The following SEMA5A variants were observed in gnomAD, a reference collection of about 807,000 sequenced individuals.
The protein encoded by SEMA5A is semaphorin 5A.
A neutral mutation model predicts 135.5 loss-of-function variants in SEMA5A; 55 were observed. That is an observed-to-expected ratio of 0.41 (90% confidence interval 0.33 to 0.51). The LOEUF is 0.51. Among genes scored for constraint, SEMA5A ranks in the 20% least tolerant of loss-of-function variants. The pLI is 0.37. For missense variants in SEMA5A, 1,290 were observed against 1,419.9 expected (o/e 0.91, Z 1.47); for synonymous variants, 580 against 546.5 (o/e 1.06, Z -0.85).
intron 11 of SEMA5A, among the ~76,000 whole-genome samples, chr5:9,163,691 A>G (rs1235577469): frequency 6.6e-6 from 1 of 152,178 alleles, no homozygotes; most frequent in African/African-American, 2.4e-5. Context: ...GGCTCTCTAA[A>G]GTGATTTAAG....
chr5:9,215,705 AT>A (rs2150396507), intron 8 of SEMA5A, among the ~76,000 whole-genome samples: 1 of 152,260 alleles, frequency 6.6e-6, no homozygotes, highest in Admixed American at 6.5e-5. Context: ...GTAGTTTCTG[AT>A]GGTTATTTTT....
chr5:9,455,937 T>C (rs1341372435), intron 1 of SEMA5A, among the ~76,000 whole-genome samples: 1 of 151,910 alleles, frequency 6.6e-6, no homozygotes, highest in Non-Finnish European at 1.5e-5. Context: ...CAGGAGTGAG[T>C]CAGCAGGGGA....
rs1340399388 is a variant in SEMA5A at position 9,318,408 on chromosome 5, G to A, written c.234C>T (p.Leu78=). Residue 78 remains leucine, a synonymous_variant, in exon 5 of 23, where the codon CTC becomes CTT. Coordinates refer to ENST00000382496, the MANE Select transcript of SEMA5A (RefSeq NM_003966.3). ...ACAGATCCTCAAGCTGTAACCTGAA[G>A]AGGTAGTTTCTGCAAAATACAAAAA... ...KELVVGARNY[L]FRLQLEDLSL... 2.5e-6 allele frequency: 4 copies of A among 1,612,602 alleles called. No homozygotes were observed. In the South Asian group the frequency reaches 3.3e-5, roughly 13 times the overall value.
At chr5:9,166,911 C>T (rs1026406787) in intron 11 of SEMA5A, among the ~76,000 whole-genome samples, 4 of 152,136 alleles carry the variant, frequency 2.6e-5, no homozygotes, top group African/African-American at 9.7e-5. Flanking sequence ...TACAAAACAA[C>T]CACCCAGTTG....
chr5:9,123,257 T>TG (rs1740917652), intron 13 of SEMA5A, among the ~76,000 whole-genome samples: 1 of 7,622 alleles, frequency 1.3e-4, no homozygotes, highest in African/African-American at 2.8e-4. Flanking sequence ...AGACTCCGCC[T>TG]CAAAAAAAAA....
At position 9,297,307 on chromosome 5, in the gene SEMA5A, G is replaced by A. The variant is rs915830812; in HGVS notation, c.270+21065C>T. Among the ~76,000 whole-genome samples the A allele has an allele frequency of 7.9e-5, 12 of 152,182 alleles. No individual in the cohort carries two copies. The South Asian group carries it at 2.1e-3, about 26-fold the overall frequency. ...GCCTGCAGGAGCACATAGCTGTGGT[G>A]TGAATGACTGTGTCCTCTGAGAAAT... On this transcript the variant is annotated intron_variant, in intron 5 of 22. Transcript: ENST00000382496.
chr5:9,257,504 G>A (rs1749138643), intron 5 of SEMA5A, among the ~76,000 whole-genome samples: 1 of 151,526 alleles, frequency 6.6e-6, no homozygotes, highest in Non-Finnish European at 1.5e-5. Context: ...TGAAGTGCAA[G>A]CTCCCATGTC....
chr5:9,420,931 G>T (rs9686498), intron 2 of SEMA5A, among the ~76,000 whole-genome samples: 8 of 152,198 alleles, frequency 5.3e-5, no homozygotes, highest in African/African-American at 1.7e-4. Flanking sequence ...CAGGAGAATC[G>T]CTTGAACCCC....
chr5:9,173,669 G>A (rs1289198620), intron 11 of SEMA5A, among the ~76,000 whole-genome samples: 1 of 152,116 alleles, frequency 6.6e-6, no homozygotes, highest in Non-Finnish European at 1.5e-5. Flanking sequence ...TTGGGAATAA[G>A]GTTTCAACTT....
At chr5:9,306,953 A>G (rs1180297894) in intron 5 of SEMA5A, among the ~76,000 whole-genome samples, 3 of 152,210 alleles carry the variant, frequency 2.0e-5, no homozygotes, top group Non-Finnish European at 4.4e-5. Flanking sequence ...GAATTGCATG[A>G]GGTCTTCGGA....
At chr5:9,247,446 AAAC>A (rs1748538696) in intron 5 of SEMA5A, among the ~76,000 whole-genome samples, 1 of 152,182 alleles carries the variant, frequency 6.6e-6, no homozygotes, top group Admixed American at 6.6e-5. Context: ...TCATGAAAAC[AAAC>A]AACACTTCAT....
Position 9,384,661 on chromosome 5 carries a change from T to TACATAGATAGATAG in SEMA5A, c.-77-4639_-77-4638insCTATCTATCTATGT, listed in dbSNP as rs1214516553. Among the ~76,000 whole-genome samples, 70 of 66,508 alleles carry TACATAGATAGATAG rather than the reference T, an allele frequency of 1.1e-3. 5 individuals are homozygous for TACATAGATAGATAG. Among genetic ancestry groups the TACATAGATAGATAG allele is most frequent in the East Asian group, 1.6e-3 (4 of 2,506 alleles). The allele number at this position is 66,508 out of a possible 152,430, so 43.6% of individuals were successfully genotyped here. A position where few individuals can be genotyped will look rare whatever the true frequency, so the allele number is the denominator to read the frequency against. ...ATAGATAGATAGATAGATAGATAGA[T>TACATAGATAGATAG]ATAGATAGATAGATATAGATAGATA... On this transcript the variant is annotated intron_variant, in intron 2 of 22. Transcript: ENST00000382496.
chr5:9,325,392 G>A (rs1216088535), intron 4 of SEMA5A, among the ~76,000 whole-genome samples: 1 of 152,052 alleles, frequency 6.6e-6, no homozygotes, highest in Non-Finnish European at 1.5e-5. Flanking sequence ...AAGTTTGGCA[G>A]ATGCAAAATC....
At chr5:9,335,765 C>T (rs1023758364) in intron 4 of SEMA5A, among the ~76,000 whole-genome samples, 17 of 152,192 alleles carry the variant, frequency 1.1e-4, no homozygotes, top group Non-Finnish European at 2.1e-4. Flanking sequence ...TCCCAACCCC[C>T]TTTTCCCTAA....
At position 9,308,966 on chromosome 5, in the gene SEMA5A, G is replaced by T. The variant is rs1751998738; in HGVS notation, c.270+9406C>A. On this transcript the variant is annotated intron_variant, in intron 5 of 22. Transcript: ENST00000382496. Reference sequence around the variant, plus strand: ...TTTCATGACAAATTAGGTCATTAAAGTTACATCAAATAAGCATAATGCCAA... The same window carrying T: ...TTTCATGACAAATTAGGTCATTAAATTTACATCAAATAAGCATAATGCCAA... Among the ~76,000 whole-genome samples the T allele has an allele frequency of 2.0e-5, 3 of 152,144 alleles. No homozygotes were observed. The South Asian group carries it at 6.2e-4, about 31-fold the overall frequency.
intron 11 of SEMA5A, among the ~76,000 whole-genome samples, chr5:9,189,393 A>AT: frequency 1.2e-5 from 1 of 82,792 alleles, no homozygotes; most frequent in African/African-American, 5.3e-5. Flanking sequence ...TAGCAACTTC[A>AT]TGAAAAAAAA....
chr5:9,326,847 TTATC>T (rs1752902987), intron 4 of SEMA5A, among the ~76,000 whole-genome samples: 1 of 152,290 alleles, frequency 6.6e-6, no homozygotes, highest in South Asian at 2.1e-4. Flanking sequence ...ATTAGTTTGA[TTATC>T]TAAGTGTAAA....
chr5:9,124,997 G>A (rs993183390), intron 13 of SEMA5A, among the ~76,000 whole-genome samples: 1 of 152,122 alleles, frequency 6.6e-6, no homozygotes, highest in Non-Finnish European at 1.5e-5. Flanking sequence ...TTCTCTTCGG[G>A]TTACAAACTA....
At chr5:9,305,755 C>CAT (rs1751840337) in intron 5 of SEMA5A, among the ~76,000 whole-genome samples, 1 of 141,346 alleles carries the variant, frequency 7.1e-6, no homozygotes, top group Non-Finnish European at 1.6e-5. Flanking sequence ...CACACACACA[C>CAT]ATATATACAC....
Sources: gnomAD v4.1 joint callset for allele counts (sites outside exome capture counted in the v4.1 genomes callset) on GRCh38, gnomAD v4.1.1 for gene constraint, MANE v1.5 for transcripts, NCBI Gene and HGNC (gene_info 2026-07-23, HGNC 2026-07-21) for gene names.